The following EFR3B variants were observed in gnomAD, a reference collection of about 807,000 sequenced individuals.
EFR3B encodes EFR3 homolog B.
EFR3B carries 64 observed loss-of-function variants against 104.7 expected under a neutral mutation model. That is an observed-to-expected ratio of 0.61 (90% CI 0.50 to 0.75). The LOEUF is 0.75. Ranked by LOEUF, EFR3B falls within the 30% of genes least tolerant of loss-of-function variation. The pLI, the probability that EFR3B is intolerant of heterozygous loss-of-function variation, is 0.00. For missense variants in EFR3B, 750 were observed against 1,078.5 expected, an observed-to-expected ratio of 0.70 and a Z score of 4.27; for synonymous variants, 385 against 417.9, an observed-to-expected ratio of 0.92 and a Z score of 0.96.
At chr2:25,053,033 T>C (rs1667923937) in intron 1 of EFR3B, among the ~76,000 whole-genome samples, 1 of 152,170 alleles carries the variant, frequency 6.6e-6, no homozygotes, top group East Asian at 1.9e-4. Flanking sequence ...GAGTGTGGAC[T>C]CAGCCTCCTA....
At chr2:25,104,650 ATAGAG>A (rs1195876200) in intron 4 of EFR3B, among the ~76,000 whole-genome samples, 7 of 152,214 alleles carry the variant, frequency 4.6e-5, no homozygotes, top group African/African-American at 7.2e-5. Context: ...CCTTTCAAAG[ATAGAG>A]TAAAGTGATG....
At chr2:25,084,618 T>A (rs1016887254) in intron 1 of EFR3B, among the ~76,000 whole-genome samples, 1 of 152,148 alleles carries the variant, frequency 6.6e-6, no homozygotes, top group Non-Finnish European at 1.5e-5. Flanking sequence ...CCTGACGACA[T>A]GTGCCCAAGG....
rs1213591749 is a variant in EFR3B, at chr2:25,156,714, C to T, written c.*2374C>T. 5 of 152,200 alleles carry T rather than the reference C, an allele frequency of 3.3e-5. No individual in the cohort carries two copies. Among genetic ancestry groups the T allele is most frequent in the Non-Finnish European group, 7.3e-5 (5 of 68,030 alleles). The allele number at this position is 152,200 out of a possible 1,614,324, so 9.4% of individuals were successfully genotyped here. A position where few individuals can be genotyped will look rare whatever the true frequency, so the allele number is the denominator to read the frequency against. ...CTGGCTTATACTCAACCCAATTTTA[C>T]AAGCATGAACTTAGACTTCTCTTTA... On this transcript the variant is annotated 3_prime_UTR_variant, in exon 23 of 23. Coordinates refer to ENST00000403714, the MANE Select transcript of EFR3B (RefSeq NM_014971.2).
chr2:25,139,399 G>T (rs1269820275), intron 16 of EFR3B, among the ~76,000 whole-genome samples: 1 of 151,826 alleles, frequency 6.6e-6, no homozygotes, highest in Non-Finnish European at 1.5e-5. Flanking sequence ...ACAGGGGTTG[G>T]GGGGGGTCTT....
rs75123968 is a variant in EFR3B, at chr2:25,067,427, T to G, written c.8-23898T>G. 2.2e-4 allele frequency among the ~76,000 whole-genome samples: 22 copies of G among 101,024 alleles called. No individual in the cohort carries two copies. In the South Asian group the frequency reaches 4.2e-3, roughly 19 times the overall value. 66.3% of individuals were successfully genotyped at this position (101,024 alleles called of 152,430 possible). A position where few individuals can be genotyped will look rare whatever the true frequency, so the allele number is the denominator to read the frequency against. On this transcript the variant is annotated intron_variant, in intron 1 of 22. Transcript: ENST00000403714. Reference sequence around the variant, plus strand: ...TCTACAGCCTCCTTTTTAGTTTTTGTTTTTTTTTTTTTGTTTTTTGTTTTT... The same window carrying G: ...TCTACAGCCTCCTTTTTAGTTTTTGGTTTTTTTTTTTTGTTTTTTGTTTTT...
chr2:25,096,236 G>A (rs1347716362), intron 3 of EFR3B, among the ~76,000 whole-genome samples: 24 of 152,084 alleles, frequency 1.6e-4, no homozygotes, highest in South Asian at 8.3e-4. Context: ...GGCTGGTCTC[G>A]AACTTCTGAC....
At chr2:25,091,785 G>T (rs1182893089) in intron 2 of EFR3B, among the ~76,000 whole-genome samples, 2 of 152,166 alleles carry the variant, frequency 1.3e-5, no homozygotes, top group Non-Finnish European at 2.9e-5. Flanking sequence ...GTCTTGGGTT[G>T]GGCTCAGGAG....
chr2:25,152,124 CA>C, intron 21 of EFR3B, 104 bp downstream of exon 21: 1 of 1,086,198 alleles, frequency 9.2e-7, no homozygotes, highest in Non-Finnish European at 1.3e-6. Flanking sequence ...CTTTGACCAC[CA>C]ACCTCCCCCA....
intron 1 of EFR3B, among the ~76,000 whole-genome samples, chr2:25,077,542 G>C (rs1288045397): frequency 6.6e-6 from 1 of 152,218 alleles, no homozygotes; most frequent in African/African-American, 2.4e-5. Flanking sequence ...GCCTGCCTTG[G>C]CCTCCCAAAG....
intron 1 of EFR3B, among the ~76,000 whole-genome samples, chr2:25,060,675 C>T (rs1397977660): frequency 6.6e-6 from 1 of 151,826 alleles, no homozygotes; most frequent in Non-Finnish European, 1.5e-5. Flanking sequence ...AATCCCAGCA[C>T]TTTGGGAGGC....
chr2:25,124,353 C>T (rs1670105705), intron 5 of EFR3B, among the ~76,000 whole-genome samples: 1 of 144,686 alleles, frequency 6.9e-6, no homozygotes, highest in African/African-American at 2.5e-5. Context: ...GTCAGTGGAT[C>T]AGTATTATCT....
At chr2:25,150,944 G>A (rs1009312527) in intron 20 of EFR3B, among the ~76,000 whole-genome samples, 2 of 151,874 alleles carry the variant, frequency 1.3e-5, no homozygotes, top group Non-Finnish European at 2.9e-5. Context: ...TATGGGCCAG[G>A]CATGGTGGCT....
At chr2:25,121,558 C>A in intron 4 of EFR3B, 115 bp from the exon 5 acceptor site, 2 of 1,351,784 alleles carry the variant, frequency 1.5e-6, no homozygotes, top group Non-Finnish European at 2.0e-6. Flanking sequence ...GCCAAGCTGG[C>A]TCCAGGATGC....
chr2:25,119,395 C>T (rs997935466), intron 4 of EFR3B, among the ~76,000 whole-genome samples: 12 of 152,152 alleles, frequency 7.9e-5, no homozygotes, highest in Non-Finnish European at 1.3e-4. Context: ...AACATGCTGC[C>T]GGTGGCTAAG....
At chr2:25,148,138 T>C (rs1047340462) in intron 19 of EFR3B, among the ~76,000 whole-genome samples, 2 of 151,708 alleles carry the variant, frequency 1.3e-5, no homozygotes, top group Admixed American at 6.6e-5. Context: ...ATTTTCAGCA[T>C]CTATGGATCT....
At chr2:25,121,877 T>C in intron 5 of EFR3B, 83 bp downstream of exon 5, 3 of 1,525,456 alleles carry the variant, frequency 2.0e-6, no homozygotes, top group Non-Finnish European at 2.7e-6. Flanking sequence ...CAACCTGCCA[T>C]TGCGTGTCTG....
intron 19 of EFR3B, among the ~76,000 whole-genome samples, chr2:25,148,138 T>A (rs1047340462): frequency 6.6e-6 from 1 of 151,708 alleles, no homozygotes; most frequent in East Asian, 1.9e-4. Context: ...ATTTTCAGCA[T>A]CTATGGATCT....
rs1170505822 is a variant in EFR3B at position 25,128,960 on chromosome 2, C to CAA, written c.635+668_635+669dup. ...TGGGCGACGGAGCGAGACTCCGTCTCAAAAAAAAAAAAAAAAAAAAAAAAA... is the reference window on the plus strand; with the variant it reads ...TGGGCGACGGAGCGAGACTCCGTCTCAAAAAAAAAAAAAAAAAAAAAAAAAAA... On this transcript the variant is annotated intron_variant, in intron 6 of 22. Transcript: ENST00000403714. 2.5e-3 allele frequency among the ~76,000 whole-genome samples: 67 copies of CAA among 26,696 alleles called. 17 individuals are homozygous for CAA. Among genetic ancestry groups the CAA allele is most frequent in the Non-Finnish European group, 3.9e-3 (56 of 14,538 alleles). The allele number at this position is 26,696 out of a possible 152,430, so 17.5% of individuals were successfully genotyped here.
rs1343791929 is a variant in EFR3B, at chr2:25,154,680, A to C, written c.*340A>C. ...CTACTTGGTGTTTTGAGTGAAGGGC[A>C]TGTCCTCCCCAGAGGACGGAGCTGG... On this transcript the variant is annotated 3_prime_UTR_variant, in exon 23 of 23. Coordinates refer to ENST00000403714, the MANE Select transcript of EFR3B (RefSeq NM_014971.2). The surrounding 1 kb of genome is among the most constrained non-coding windows in gnomAD (Gnocchi z 4.1). 2 of 246,106 alleles carry C rather than the reference A, an allele frequency of 8.1e-6. No individual in the cohort carries two copies. The highest frequency in any genetic ancestry group is 1.0e-4 in the East Asian group (1 of 9,778). The allele number at this position is 246,106 out of a possible 1,614,324, so 15.2% of individuals were successfully genotyped here.
Sources: gnomAD v4.1 joint callset for allele counts (sites outside exome capture counted in the v4.1 genomes callset) on GRCh38, gnomAD v4.1.1 for gene constraint, Gnocchi (gnomAD v3.1) non-coding constraint, MANE v1.5 for transcripts, NCBI Gene and HGNC (gene_info 2026-07-23, HGNC 2026-07-21) for gene names.